MMS22L: variants seen among roughly 807,000 people sequenced by gnomAD.
The protein encoded by MMS22L is protein MMS22-like.
In MMS22L, 74 loss-of-function variants were observed where a neutral mutation model predicts 159.1. The ratio of observed to expected loss-of-function variants is 0.47; its 90% CI spans 0.39 to 0.56. The LOEUF is 0.56. Ranked by LOEUF, MMS22L falls within the 20% of genes least tolerant of loss-of-function variation. The pLI is 0.00. For synonymous variants in MMS22L, 517 were observed against 506.9 expected, an observed-to-expected ratio of 1.02 and a Z score of -0.27; for missense variants, 1,351 against 1,422.1, an observed-to-expected ratio of 0.95 and a Z score of 0.80.
chr6:97,159,395 G>A (rs1378463870), intron 22 of MMS22L, among the ~76,000 whole-genome samples: 8 of 151,866 alleles, frequency 5.3e-5, no homozygotes, highest in African/African-American at 1.9e-4. Context: ...TAATTCTAGT[G>A]AAATACAGAA....
Position 97,229,154 on chromosome 6 carries a change from C to T in MMS22L, c.1779G>A (p.Glu593=). ...QKNLDIGVLA[E]KFSCAFREKA... ...TCTCCCGGAAAGCACATGAAAATTT[C>T]TCAGCCAAAACACCAATGTCCAGAT... The change falls in exon 14 of 25, where the codon GAG becomes GAA. Residue 593 remains glutamate, a synonymous_variant. Coordinates refer to ENST00000683635, the MANE Select transcript of MMS22L (RefSeq NM_001350599.2). 1 of 1,614,118 alleles carries T rather than the reference C, an allele frequency of 6.2e-7. No homozygotes were observed. Among genetic ancestry groups the T allele is most frequent in the East Asian group, 2.2e-5 (1 of 44,864 alleles).
At chr6:97,261,670 C>T (rs1814498744) in intron 9 of MMS22L, 1 of 152,086 alleles carries the variant, frequency 6.6e-6, no homozygotes, top group Non-Finnish European at 1.5e-5. Flanking sequence ...CGGTCAGCAT[C>T]CCTAACTCCC....
intron 14 of MMS22L, among the ~76,000 whole-genome samples, chr6:97,189,263 TAAA>T (rs10707402): frequency 2.2e-5 from 3 of 139,346 alleles, no homozygotes; most frequent in African/African-American, 5.2e-5. Flanking sequence ...CCATTAGGTT[TAAA>T]AAAAAAAAAA....
At chr6:97,254,413 T>C in intron 10 of MMS22L, 144 bp downstream of exon 10, 1 of 646,824 alleles carries the variant, frequency 1.5e-6, no homozygotes, top group Non-Finnish European at 2.5e-6. Flanking sequence ...TTTCAAGATG[T>C]TTACAGAAAC....
intron 22 of MMS22L, among the ~76,000 whole-genome samples, chr6:97,157,004 G>A (rs1026914324): frequency 6.6e-6 from 1 of 152,088 alleles, no homozygotes; most frequent in African/African-American, 2.4e-5. Flanking sequence ...TTGTTGAGCA[G>A]TGGTTTGTAG....
intron 3 of MMS22L, among the ~76,000 whole-genome samples, chr6:97,280,505 G>C (rs1452230544): frequency 1.3e-5 from 2 of 151,988 alleles, no homozygotes; most frequent in African/African-American, 4.8e-5. Flanking sequence ...GCTAATTTTT[G>C]TATTTTTAGT....
chr6:97,251,868 G>C (rs1159750700), intron 10 of MMS22L, among the ~76,000 whole-genome samples: 1 of 151,936 alleles, frequency 6.6e-6, no homozygotes, highest in Admixed American at 6.6e-5. Flanking sequence ...CGGATCACGA[G>C]GTCAGAAGAT....
chr6:97,254,448 G>GTGATTGTAGT (rs1813567693), intron 10 of MMS22L, 109 bp downstream of exon 10: 1 of 769,498 alleles, frequency 1.3e-6, no homozygotes, highest in Non-Finnish European at 2.1e-6. Context: ...ATTTATCTCT[G>GTGATTGTAGT]TGATTGTAGT....
chr6:97,215,725 T>C (rs553345149), intron 14 of MMS22L, among the ~76,000 whole-genome samples: 47 of 152,186 alleles, frequency 3.1e-4, no homozygotes, highest in African/African-American at 1.1e-3. Context: ...GAAATAATAC[T>C]CGCACTCACT....
At chr6:97,206,936 T>C (rs972454552) in intron 14 of MMS22L, among the ~76,000 whole-genome samples, 3 of 152,154 alleles carry the variant, frequency 2.0e-5, no homozygotes, top group Non-Finnish European at 4.4e-5. Context: ...ACCTTGGAGC[T>C]CTTTCTTTCC....
intron 22 of MMS22L, among the ~76,000 whole-genome samples, chr6:97,155,941 C>T (rs999098913): frequency 6.6e-6 from 1 of 152,142 alleles, no homozygotes; most frequent in Non-Finnish European, 1.5e-5. Flanking sequence ...CTAATTCACA[C>T]TCCCAACAGT....
chr6:97,196,325 T>TA (rs1806500178), intron 14 of MMS22L, among the ~76,000 whole-genome samples: 1 of 152,014 alleles, frequency 6.6e-6, no homozygotes, highest in African/African-American at 2.4e-5. Context: ...AAAAAAATAA[T>TA]AGAGTTGCAG....
rs1228384431 is a variant in MMS22L at position 97,263,323 on chromosome 6, T to C, written c.942+12A>G. 1 of 1,513,240 alleles carries C rather than the reference T, an allele frequency of 6.6e-7. No homozygotes were observed. The highest frequency in any genetic ancestry group is 9.1e-7 in the Non-Finnish European group (1 of 1,104,532). 93.7% of individuals were successfully genotyped at this position (1,513,240 alleles called of 1,614,324 possible). A position where few individuals can be genotyped will look rare whatever the true frequency, so the allele number is the denominator to read the frequency against. ...TAGTAACAATAACCAACACATCAATTTTCCAACTTACTTCCGAGACAAACC... is the reference window on the plus strand; with the variant it reads ...TAGTAACAATAACCAACACATCAATCTTCCAACTTACTTCCGAGACAAACC... On this transcript the variant is annotated intron_variant, in intron 9 of 24. Transcript: ENST00000683635.
In MMS22L at chr6:97,267,008, T is replaced by C. The variant is rs546070425; in HGVS notation, c.828+864A>G. 34 of 152,320 alleles carry C rather than the reference T, an allele frequency of 2.2e-4. 2 individuals are homozygous for C. The East Asian group carries it at 6.5e-3, about 29-fold the overall frequency. The allele number at this position is 152,320 out of a possible 1,614,324, so 9.4% of individuals were successfully genotyped here. A position where few individuals can be genotyped will look rare whatever the true frequency, so the allele number is the denominator to read the frequency against. ...AGTGTTCTCACACAAAAAATAAGAA[T>C]GTGAGATAATACATATGCTAATTAG... On this transcript the variant is annotated intron_variant, in intron 8 of 24. Coordinates refer to ENST00000683635, the MANE Select transcript of MMS22L (RefSeq NM_001350599.2).
At chr6:97,199,818 G>C (rs567930556) in intron 14 of MMS22L, among the ~76,000 whole-genome samples, 14 of 152,052 alleles carry the variant, frequency 9.2e-5, no homozygotes, top group Middle Eastern at 3.4e-3. Flanking sequence ...GGAAATAACA[G>C]TCTAGTCACC....
intron 20 of MMS22L, among the ~76,000 whole-genome samples, chr6:97,166,790 A>G (rs1407911568): frequency 6.6e-6 from 1 of 152,132 alleles, no homozygotes; most frequent in Non-Finnish European, 1.5e-5. Flanking sequence ...GAAATATTCC[A>G]GACTCTCCTG....
At position 97,257,349 on chromosome 6, in the gene MMS22L, T is replaced by C. The variant is rs558741799; in HGVS notation, c.943-2616A>G. The stretch of plus-strand genomic sequence containing the variant: ...TTTAGCTATCCCATCATTTAATGTT[T>C]CTTCAGCTTACTTTAATCTGTAAGC... On this transcript the variant is annotated intron_variant, in intron 9 of 24. Transcript: ENST00000683635. Among the ~76,000 whole-genome samples, 136 of 152,360 alleles carry C rather than the reference T, an allele frequency of 8.9e-4. 1 individual carries two copies. Among genetic ancestry groups the C allele is most frequent in the Admixed American group, 3.3e-3 (50 of 15,304 alleles).
chr6:97,177,918 T>C lies in MMS22L; in HGVS notation c.2679+525A>G, dbSNP rs184562751. On this transcript the variant is annotated intron_variant, in intron 18 of 24. Coordinates refer to ENST00000683635, the MANE Select transcript of MMS22L (RefSeq NM_001350599.2). ...AAACAAACACTCTCACATAGATAAA[T>C]TTCTGTACAATTAATAATTAAAAAT... 3.3e-5 allele frequency among the ~76,000 whole-genome samples: 5 copies of C among 152,246 alleles called. No individual in the cohort carries two copies. The East Asian group carries it at 9.6e-4, about 29-fold the overall frequency.
At chr6:97,187,049 C>T (rs1805315411) in intron 14 of MMS22L, among the ~76,000 whole-genome samples, 1 of 85,092 alleles carries the variant, frequency 1.2e-5, no homozygotes, top group African/African-American at 4.3e-5. Flanking sequence ...CAATTTTCTC[C>T]TGAGGGCTTT....
Sources: allele counts gnomAD v4.1 joint callset (sites outside exome capture counted in the v4.1 genomes callset), GRCh38; gene constraint gnomAD v4.1.1; transcripts MANE v1.5; gene names NCBI Gene and HGNC (gene_info 2026-07-23, HGNC 2026-07-21).